ZNF697: variants seen among roughly 807,000 people sequenced by gnomAD.
ZNF697 encodes zinc finger protein 697.
In ZNF697, 23 loss-of-function variants were observed where a neutral mutation model predicts 32.4. The ratio of observed to expected loss-of-function variants is 0.71; its 90% confidence interval spans 0.51 to 1.01. The LOEUF (loss-of-function observed/expected upper bound fraction) is 1.01, where lower values mean the gene tolerates loss of function less well. Ranked by LOEUF, ZNF697 falls within the 50% of genes least tolerant of loss-of-function variation. The pLI, the probability that ZNF697 is intolerant of heterozygous loss-of-function variation, is 0.00. For missense variants in ZNF697, 930 were observed against 794.0 expected, an observed-to-expected ratio of 1.17 and a Z score of -2.06; for synonymous variants, 418 against 337.2, an observed-to-expected ratio of 1.24 and a Z score of -2.62.
At chr1:119,647,302 C>A (rs941652381) in intron 1 of ZNF697, among the ~76,000 whole-genome samples, 1 of 152,180 alleles carries the variant, frequency 6.6e-6, no homozygotes, top group Non-Finnish European at 1.5e-5. Flanking sequence ...GCCTCGGCAT[C>A]CCCGCGAGGT....
rs587627696 is a variant in ZNF697 at position 119,641,536 on chromosome 1, A to G, written c.-38+6155T>C. Among the ~76,000 whole-genome samples the G allele has an allele frequency of 2.0e-5, 3 of 152,324 alleles. No homozygotes were observed. The South Asian group carries it at 6.2e-4, about 32-fold the overall frequency. ...AAAGATCTGAACAGACACCTCACCA[A>G]AGAAAATATGCAGATGGCAAATAGG... On this transcript the variant is annotated intron_variant, in intron 1 of 2. Transcript: ENST00000421812.
chr1:119,629,304 T>C (rs927092925), intron 1 of ZNF697, among the ~76,000 whole-genome samples: 3 of 152,216 alleles, frequency 2.0e-5, no homozygotes, highest in African/African-American at 7.2e-5. Flanking sequence ...ATAACCTCAA[T>C]CTAGAAAACT....
At chr1:119,630,719 G>A (rs999543737) in intron 1 of ZNF697, among the ~76,000 whole-genome samples, 7 of 152,148 alleles carry the variant, frequency 4.6e-5, no homozygotes, top group Admixed American at 4.6e-4. Context: ...CAAAATAGCT[G>A]GGTGTGGTGG....
chr1:119,633,057 C>G (rs1347082780), intron 1 of ZNF697, among the ~76,000 whole-genome samples: 1 of 152,176 alleles, frequency 6.6e-6, no homozygotes, highest in Non-Finnish European at 1.5e-5. Context: ...CAGCAGCTGG[C>G]TCAAATGTTC....
In ZNF697 at chr1:119,622,651, G is replaced by A. The variant is rs1648372160; in HGVS notation, c.*54C>T. 1 of 1,459,702 alleles carries A rather than the reference G, an allele frequency of 6.9e-7. No individual in the cohort carries two copies. The highest frequency in any genetic ancestry group is 1.4e-5 in the South Asian group (1 of 70,960). The allele number at this position is 1,459,702 out of a possible 1,614,324, so 90.4% of individuals were successfully genotyped here. A position where few individuals can be genotyped will look rare whatever the true frequency, so the allele number is the denominator to read the frequency against. On this transcript the variant is annotated 3_prime_UTR_variant, in exon 3 of 3. Coordinates refer to ENST00000421812, the MANE Select transcript of ZNF697 (RefSeq NM_001080470.2). ...ACTTCCTTCCCCTGGGTCAGTCCCAGGATATCTACCCCCCACAGGCTCCCC... is the reference window on the plus strand; with the variant it reads ...ACTTCCTTCCCCTGGGTCAGTCCCAAGATATCTACCCCCCACAGGCTCCCC...
rs1209057648 is a variant in ZNF697, at chr1:119,621,888, TGAAA to T, written c.*813_*816del. 4 of 146,972 alleles carry T rather than the reference TGAAA, an allele frequency of 2.7e-5. No individual in the cohort carries two copies. In the East Asian group the frequency reaches 6.1e-4, roughly 22 times the overall value. 9.1% of individuals were successfully genotyped at this position (146,972 alleles called of 1,614,324 possible). The stretch of plus-strand genomic sequence containing the variant: ...CACTTAAAACACCACAGTTGAGACC[TGAAA>T]GAAATACTGGGTGTGGCACACACCT... On this transcript the variant is annotated 3_prime_UTR_variant, in exon 3 of 3. Transcript: ENST00000421812.
At chr1:119,638,654 G>T (rs376910) in intron 1 of ZNF697, among the ~76,000 whole-genome samples, 102,398 of 152,058 alleles carry the variant, frequency 0.67, 34,820 homozygotes, top group East Asian at 0.92. Context: ...CTCCCTCAAC[G>T]GTTTTGCCTC....
In ZNF697 at chr1:119,622,375, A is replaced by C. The variant is rs184167658; in HGVS notation, c.*330T>G. On this transcript the variant is annotated 3_prime_UTR_variant, in exon 3 of 3. Coordinates refer to ENST00000421812, the MANE Select transcript of ZNF697 (RefSeq NM_001080470.2). Reference sequence around the variant, plus strand: ...GGCCTACCCTAGTCTATTGCCCGCCATCCTGTTCCCACCCCAGCCCACGAA... The same window carrying C: ...GGCCTACCCTAGTCTATTGCCCGCCCTCCTGTTCCCACCCCAGCCCACGAA... 10 of 282,834 alleles carry C rather than the reference A, an allele frequency of 3.5e-5. No individual in the cohort carries two copies. Among genetic ancestry groups the C allele is most frequent in the African/African-American group, 2.3e-4 (10 of 44,438 alleles). The allele number at this position is 282,834 out of a possible 1,614,324, so 17.5% of individuals were successfully genotyped here.
At chr1:119,638,289 G>C (rs1378884269) in intron 1 of ZNF697, among the ~76,000 whole-genome samples, 1 of 152,198 alleles carries the variant, frequency 6.6e-6, no homozygotes, top group Admixed American at 6.5e-5. Flanking sequence ...GTTTCCCAGT[G>C]AACTCGGGCT....
Position 119,620,203 on chromosome 1 carries a change from T to A in ZNF697, c.*2502A>T, listed in dbSNP as rs1361956534. ...ACGTAGCAGCTGACTTTTTTATCCA[T>A]GGTAATAGAAATAATGAGAGAGGTA... On this transcript the variant is annotated 3_prime_UTR_variant, in exon 3 of 3. Coordinates refer to ENST00000421812, the MANE Select transcript of ZNF697 (RefSeq NM_001080470.2). 6.5e-6 allele frequency: 1 copy of A among 152,682 alleles called. No homozygotes were observed. Among genetic ancestry groups the A allele is most frequent in the Non-Finnish European group, 1.5e-5 (1 of 68,024 alleles). 9.5% of individuals were successfully genotyped at this position (152,682 alleles called of 1,614,324 possible).
chr1:119,647,365 G>A lies in ZNF697; in HGVS notation c.-38+326C>T, dbSNP rs747724826. 3.3e-5 allele frequency among the ~76,000 whole-genome samples: 5 copies of A among 152,166 alleles called. No homozygotes were observed. The East Asian group carries it at 9.6e-4, about 29-fold the overall frequency. On this transcript the variant is annotated intron_variant, in intron 1 of 2. Transcript: ENST00000421812. ...ACCACCTACCTACATGGACACGTGTGGTTGGAATGCCTCCCGGGGCTAGAC... is the reference window on the plus strand; with the variant it reads ...ACCACCTACCTACATGGACACGTGTAGTTGGAATGCCTCCCGGGGCTAGAC...
At chr1:119,627,755 C>T (rs1029243169) in intron 1 of ZNF697, among the ~76,000 whole-genome samples, 1 of 152,092 alleles carries the variant, frequency 6.6e-6, no homozygotes, top group South Asian at 2.1e-4. Context: ...TCCTGAAATG[C>T]GGTTGAATTC....
intron 1 of ZNF697, among the ~76,000 whole-genome samples, chr1:119,643,702 T>C (rs921082364): frequency 6.6e-6 from 1 of 152,148 alleles, no homozygotes; most frequent in Non-Finnish European, 1.5e-5. Context: ...GCATGACATC[T>C]GAGAGATTTG....
chr1:119,632,214 G>GGTAA (rs1648799859), intron 1 of ZNF697, among the ~76,000 whole-genome samples: 2 of 152,110 alleles, frequency 1.3e-5, no homozygotes, highest in African/African-American at 4.8e-5. Flanking sequence ...CTGAGCAAGG[G>GGTAA]GTAAGCACCT....
rs7552885 is a variant in ZNF697, at chr1:119,622,343, C to T, written c.*362G>A. On this transcript the variant is annotated 3_prime_UTR_variant, in exon 3 of 3. Coordinates refer to ENST00000421812, the MANE Select transcript of ZNF697 (RefSeq NM_001080470.2). ...CCCTCTCCCCGCAACCTTCTACAGGCCATCGCGGCCTACCCTAGTCTATTG... is the reference window on the plus strand; with the variant it reads ...CCCTCTCCCCGCAACCTTCTACAGGTCATCGCGGCCTACCCTAGTCTATTG... 0.64 allele frequency: 134,653 copies of T among 209,228 alleles called. 44,999 individuals are homozygous for T. Among genetic ancestry groups the T allele is most frequent in the African/African-American group, 0.82 (35,596 of 43,164 alleles). The allele number at this position is 209,228 out of a possible 1,614,324, so 13.0% of individuals were successfully genotyped here.
intron 1 of ZNF697, among the ~76,000 whole-genome samples, chr1:119,630,264 A>C (rs1317490471): frequency 6.6e-6 from 1 of 152,242 alleles, no homozygotes. Context: ...CAAGCTTGTC[A>C]TGTGACACAC....
Position 119,622,964 on chromosome 1 carries a change from G to T in ZNF697, c.1379C>A (p.Thr460Asn). The T allele has an allele frequency of 6.2e-7, 1 of 1,602,664 alleles. No homozygotes were observed. Among genetic ancestry groups the T allele is most frequent in the South Asian group, 1.1e-5 (1 of 89,838 alleles). ...SHLVNHLRVH[T>N]GEKPFRCGQC... is the part of the protein sequence containing the mutation. ...GCCACAGCGGAAGGGCTTCTCGCCG[G>T]TGTGCACGCGCAGGTGGTTCACCAG... The change falls in exon 3 of 3, where the codon ACC becomes AAC. Residue 460 changes from threonine (T) to asparagine (N), a missense_variant. Transcript: ENST00000421812.
At chr1:119,631,485 A>T (rs1337465629) in intron 1 of ZNF697, among the ~76,000 whole-genome samples, 1 of 152,206 alleles carries the variant, frequency 6.6e-6, no homozygotes, top group Non-Finnish European at 1.5e-5. Context: ...GCGCGTTAGG[A>T]CTGGAAGAGG....
intron 1 of ZNF697, among the ~76,000 whole-genome samples, chr1:119,639,559 A>G (rs587696340): frequency 6.6e-6 from 1 of 152,186 alleles, no homozygotes; most frequent in African/African-American, 2.4e-5. Context: ...CCTTTTCCGG[A>G]GGCAGCAGCA....
Sources: gnomAD v4.1 joint callset for allele counts (sites outside exome capture counted in the v4.1 genomes callset) on GRCh38, gnomAD v4.1.1 for gene constraint, MANE v1.5 for transcripts, NCBI Gene and HGNC (gene_info 2026-07-23, HGNC 2026-07-21) for gene names.